Variants in IDUA observed in about 807,000 individuals in gnomAD.
IDUA encodes the protein iduronidase alpha-L-.
A neutral mutation model predicts 68.9 loss-of-function variants in IDUA; 65 were observed. The observed-to-expected ratio is 0.94, with a 90% CI of 0.77 to 1.16. The LOEUF (loss-of-function observed/expected upper bound fraction) is 1.16, where lower values mean the gene tolerates loss of function less well. Among genes scored for constraint, IDUA ranks in the 50% most tolerant of loss-of-function variants. The pLI is 0.00. For synonymous variants in IDUA, 529 were observed against 433.6 expected (o/e 1.22, Z -2.73); for missense variants, 1,046 against 938.0 (o/e 1.12, Z -1.50).
intron 4 of IDUA, 75 bp from the exon 5 acceptor site, chr4:1,001,393 C>A: frequency 7.9e-7 from 1 of 1,267,060 alleles, no homozygotes; most frequent in Non-Finnish European, 1.2e-6. Context: ...CCTTCATCAC[C>A]TTGCACCCTC....
chr4:987,850 G>T lies in IDUA; in HGVS notation c.200G>T (p.Ser67Ile). 6.2e-7 allele frequency: 1 copy of T among 1,612,486 alleles called. No homozygotes were observed. Among genetic ancestry groups the T allele is most frequent in the Non-Finnish European group, 8.5e-7 (1 of 1,179,852 alleles). The change falls in exon 2 of 14, where the codon AGC becomes ATC. Residue 67 changes from serine (S) to isoleucine (I), a missense_variant. Coordinates refer to ENST00000514224, the MANE Select transcript of IDUA (RefSeq NM_000203.5). Reference sequence around the variant, plus strand: ...AGCCAGGCTGACCAGTACGTCCTCAGCTGGGACCAGCAGCTCAACCTCGCC... The same window carrying T: ...AGCCAGGCTGACCAGTACGTCCTCATCTGGGACCAGCAGCTCAACCTCGCC... ...PHSQADQYVL[S>I]WDQQLNLAYV...
chr4:1,003,515 TC>T, intron 11 of IDUA, 33 bp from the exon 12 acceptor site: 1 of 1,605,364 alleles, frequency 6.2e-7, no homozygotes, highest in Non-Finnish European at 8.5e-7. Context: ...GGACTCCCCT[TC>T]CCCGACGCCA....
intron 2 of IDUA, among the ~76,000 whole-genome samples, chr4:998,308 C>T (rs1051944242): frequency 6.6e-6 from 1 of 152,148 alleles, no homozygotes; most frequent in African/African-American, 2.4e-5. Flanking sequence ...ATGGGAGGAC[C>T]AGAAGGGAGG....
chr4:996,809 C>T (rs904892524), intron 2 of IDUA, among the ~76,000 whole-genome samples: 6 of 152,154 alleles, frequency 3.9e-5, no homozygotes, highest in South Asian at 2.1e-4. Context: ...CCCAGGGGGT[C>T]CAGGGGCCTT....
Position 1,000,838 on chromosome 4 carries a change from G to A in IDUA, c.386-44G>A, listed in dbSNP as rs376679458. On this transcript the variant is annotated intron_variant, in intron 3 of 13. Transcript: ENST00000514224. Reference sequence around the variant, plus strand: ...GGAGCACAGGCCTGGCAGAGCATGGGTGTGGTGTGTGGTGGGCGGTGGGGC... The same window carrying A: ...GGAGCACAGGCCTGGCAGAGCATGGATGTGGTGTGTGGTGGGCGGTGGGGC... The A allele has an allele frequency of 4.0e-5, 62 of 1,539,456 alleles. No individual in the cohort carries two copies. In the Admixed American group the frequency reaches 5.2e-4, roughly 13 times the overall value.
chr4:989,691 G>A (rs368544205), intron 2 of IDUA: 30 of 1,562,598 alleles, frequency 1.9e-5, no homozygotes, highest in South Asian at 4.7e-5. Context: ...CGCTGACCAC[G>A]CTGGACAGCT....
Position 1,002,147 on chromosome 4 carries a change from G to T in IDUA, c.958G>T (p.Ala320Ser). The change falls in exon 7 of 14, where the codon GCC becomes TCC. Residue 320 changes from alanine (A) to serine (S), a missense_variant. By Grantham distance (99) the Ala-to-Ser change is moderately conservative (BLOSUM62 1). Coordinates refer to ENST00000514224, the MANE Select transcript of IDUA (RefSeq NM_000203.5). The stretch of plus-strand genomic sequence containing the variant: ...GTGGAGGGCGGACGTGACCTACGCG[G>T]CCATGGTGGTGAAGGTGGGCCGGCC... The part of the protein sequence containing the change: ...QPWRADVTYA[A>S]MVVKVIAQHQ... 6.4e-7 allele frequency: 1 copy of T among 1,558,808 alleles called. No homozygotes were observed. The highest frequency in any genetic ancestry group is 8.7e-7 in the Non-Finnish European group (1 of 1,151,676).
At chr4:1,003,179 G>C in intron 10 of IDUA, 22 bp downstream of exon 10, 2 of 1,331,814 alleles carry the variant, frequency 1.5e-6, no homozygotes, top group Non-Finnish European at 9.6e-7. Context: ...GCGGAGGGGC[G>C]AGGGGCCGGG....
intron 2 of IDUA, chr4:991,238 C>G: frequency 8.1e-6 from 13 of 1,611,606 alleles, no homozygotes; most frequent in Non-Finnish European, 1.1e-5. Flanking sequence ...CTGTTGGCTC[C>G]GGGCTGCAGG....
intron 2 of IDUA, among the ~76,000 whole-genome samples, chr4:999,121 T>C (rs10006578): frequency 0.13 from 20,079 of 150,214 alleles, 1,386 homozygotes; most frequent in Middle Eastern, 0.25. Flanking sequence ...AGGAGAATGG[T>C]GTGAACCCGG....
chr4:998,878 T>C (rs1301731557), intron 2 of IDUA, among the ~76,000 whole-genome samples: 1 of 147,878 alleles, frequency 6.8e-6, no homozygotes, highest in Non-Finnish European at 1.5e-5. Flanking sequence ...CATACCTCTC[T>C]GGGCAACCCC....
At chr4:1,003,762 CT>C in intron 12 of IDUA, 137 bp downstream of exon 12, 2 of 1,006,700 alleles carry the variant, frequency 2.0e-6, no homozygotes, top group Non-Finnish European at 3.0e-6. Context: ...CGTCCCTGCC[CT>C]TCACCCCACA....
intron 2 of IDUA, among the ~76,000 whole-genome samples, chr4:994,829 G>C (rs1714645260): frequency 6.6e-6 from 1 of 152,126 alleles, no homozygotes; most frequent in Non-Finnish European, 1.5e-5. Context: ...AAGCGGCTCA[G>C]GTGGGAGCAT....
intron 2 of IDUA, chr4:990,011 G>C: frequency 6.3e-7 from 1 of 1,577,074 alleles, no homozygotes; most frequent in Non-Finnish European, 8.6e-7. Context: ...TTGTGGAGCT[G>C]CCCGAAGTGC....
At chr4:987,607 C>G (rs1713836356) in intron 1 of IDUA, 1 of 1,434,820 alleles carries the variant, frequency 7.0e-7, no homozygotes, top group Admixed American at 2.6e-5. Context: ...GGCGTTGGCC[C>G]CTCGTCTTAC....
At position 1,004,409 on chromosome 4, in the gene IDUA, C is replaced by T; in HGVS notation, c.*16C>T. ...CAATCCATGAGCCTGTGCTGAGCCCCAGTGGGTTGCACCTCCACCGGCAGT... is the reference window on the plus strand; with the variant it reads ...CAATCCATGAGCCTGTGCTGAGCCCTAGTGGGTTGCACCTCCACCGGCAGT... On this transcript the variant is annotated 3_prime_UTR_variant, in exon 14 of 14. Transcript: ENST00000514224. The surrounding 1 kb of genome is among the most constrained non-coding windows in gnomAD (Gnocchi z 5.0). 1.2e-6 allele frequency: 2 copies of T among 1,609,034 alleles called. No homozygotes were observed. The highest frequency in any genetic ancestry group is 1.7e-6 in the Non-Finnish European group (2 of 1,179,898).
chr4:1,000,518 A>G (rs1400390867), intron 2 of IDUA, 94 bp from the exon 3 acceptor site: 8 of 984,684 alleles, frequency 8.1e-6, no homozygotes, highest in Admixed American at 6.8e-5. Flanking sequence ...GGCACCTTGC[A>G]GGCTCCCACA....
At position 987,136 on chromosome 4, in the gene IDUA, C is replaced by T. The variant is rs2153015176; in HGVS notation, c.52C>T (p.Leu18=). The part of the protein sequence containing the change: ...AALLALLASL[L]AAPPVAPAEA... ...GCTGCTGGCGCTCCTGGCCTCGCTC[C>T]TGGCCGCGCCCCCGGTGGCCCCGGC... Residue 18 remains leucine, a synonymous_variant, in exon 1 of 14, where the codon CTG becomes TTG. Transcript: ENST00000514224. The T allele has an allele frequency of 1.4e-6, 2 of 1,423,062 alleles. No individual in the cohort carries two copies. Among genetic ancestry groups the T allele is most frequent in the South Asian group, 2.9e-5 (2 of 68,492 alleles). The allele number at this position is 1,423,062 out of a possible 1,614,324, so 88.2% of individuals were successfully genotyped here. A position where few individuals can be genotyped will look rare whatever the true frequency, so the allele number is the denominator to read the frequency against.
At chr4:991,835 C>T in intron 2 of IDUA, 2 of 1,530,784 alleles carry the variant, frequency 1.3e-6, no homozygotes, top group Non-Finnish European at 8.7e-7. Context: ...CTCGCCCACC[C>T]AGGGCCGGGG....
Sources: allele counts gnomAD v4.1 joint callset (sites outside exome capture counted in the v4.1 genomes callset), GRCh38; gene constraint gnomAD v4.1.1; non-coding constraint Gnocchi (gnomAD v3.1); transcripts MANE v1.5; gene names NCBI Gene and HGNC (gene_info 2026-07-23, HGNC 2026-07-21).